Variants in CTIF observed in about 807,000 individuals in gnomAD.
CTIF encodes cap binding complex dependent translation initiation factor.
Under a neutral mutation model 66.0 loss-of-function variants are expected in CTIF, and 21 were observed. The observed-to-expected ratio is 0.32, with a 90% CI of 0.23 to 0.46. The LOEUF is 0.46. CTIF is among the 20% of genes least tolerant of loss of function. The probability of loss-of-function intolerance (pLI) is 1.00; values close to 1 mark genes in which losing one functional copy is unlikely to be tolerated. For synonymous variants in CTIF, 345 were observed against 326.4 expected (o/e 1.06, Z -0.62); for missense variants, 739 against 812.7 (o/e 0.91, Z 1.10).
Position 48,637,980 on chromosome 18 carries a change from C to T in CTIF, c.252+1295C>T, listed in dbSNP as rs1265229448. On this transcript the variant is annotated intron_variant, in intron 3 of 11. Transcript: ENST00000256413. ...TTGCAGATGAGGAAACTGAGTCCCA[C>T]GGAGGTGCCACTTGTCTGCCCTCCT... 3.9e-5 allele frequency among the ~76,000 whole-genome samples: 6 copies of T among 152,246 alleles called. 1 individual carries two copies. Among genetic ancestry groups the T allele is most frequent in the South Asian group, 4.1e-4 (2 of 4,822 alleles).
chr18:48,637,806 G>T (rs1366243856), intron 3 of CTIF, among the ~76,000 whole-genome samples: 1 of 152,098 alleles, frequency 6.6e-6, no homozygotes, highest in South Asian at 2.1e-4. Flanking sequence ...AGCCCCGGGG[G>T]TGGGGGGTGA....
At chr18:48,713,549 C>T (rs1487092519) in intron 7 of CTIF, among the ~76,000 whole-genome samples, 1 of 151,976 alleles carries the variant, frequency 6.6e-6, no homozygotes, top group Non-Finnish European at 1.5e-5. Context: ...CACCAATGTC[C>T]GGGTTAGGTC....
At chr18:48,670,849 C>T in intron 6 of CTIF, 105 bp downstream of exon 6, 3 of 975,970 alleles carry the variant, frequency 3.1e-6, no homozygotes, top group Non-Finnish European at 4.8e-6. Flanking sequence ...CTGCTTGTTC[C>T]AGCAAGGAGT....
chr18:48,650,107 C>A (rs957177133), intron 3 of CTIF, among the ~76,000 whole-genome samples: 5 of 152,218 alleles, frequency 3.3e-5, no homozygotes, highest in African/African-American at 4.8e-5. Context: ...AGCAATGGAA[C>A]AAAGCTGGAT....
intron 1 of CTIF, among the ~76,000 whole-genome samples, chr18:48,543,858 G>C (rs966768891): frequency 1.3e-5 from 2 of 152,176 alleles, no homozygotes; most frequent in African/African-American, 4.8e-5. Context: ...TCTGGTTCTG[G>C]GAAGGGCTCT....
chr18:48,716,569 G>A (rs1279149655), intron 7 of CTIF, among the ~76,000 whole-genome samples: 2 of 151,974 alleles, frequency 1.3e-5, no homozygotes, highest in African/African-American at 4.8e-5. Context: ...CCCAGAAGTC[G>A]TCCCCACATG....
intron 10 of CTIF, among the ~76,000 whole-genome samples, chr18:48,832,107 G>C (rs2068703971): frequency 6.6e-6 from 1 of 151,798 alleles, no homozygotes; most frequent in Non-Finnish European, 1.5e-5. Context: ...CAAGCTCACA[G>C]CCAGTGTGCG....
At chr18:48,787,135 G>A (rs539361200) in intron 9 of CTIF, among the ~76,000 whole-genome samples, 2 of 152,208 alleles carry the variant, frequency 1.3e-5, no homozygotes, top group South Asian at 2.1e-4. Flanking sequence ...TGGCTCTCTG[G>A]GAGCAGCTGT....
At chr18:48,770,148 C>T (rs1019415920) in intron 9 of CTIF, among the ~76,000 whole-genome samples, 2 of 152,240 alleles carry the variant, frequency 1.3e-5, no homozygotes, top group African/African-American at 4.8e-5. Flanking sequence ...CACTGATCCT[C>T]AGCCAGTCCT....
intron 2 of CTIF, among the ~76,000 whole-genome samples, chr18:48,632,034 C>T (rs1447896488): frequency 1.3e-5 from 2 of 152,116 alleles, no homozygotes; most frequent in African/African-American, 4.8e-5. Context: ...AGAAGGCAAA[C>T]GGGAGGCAGG....
At chr18:48,834,981 G>A (rs539715490) in intron 10 of CTIF, among the ~76,000 whole-genome samples, 2 of 152,320 alleles carry the variant, frequency 1.3e-5, no homozygotes, top group East Asian at 1.9e-4. Flanking sequence ...GCCAGCTTCC[G>A]GGAAGCGAAA....
intron 10 of CTIF, chr18:48,826,353 A>C (rs1047005601): frequency 2.0e-5 from 3 of 152,190 alleles, no homozygotes; most frequent in Admixed American, 2.0e-4. Flanking sequence ...AGGCCTCCAT[A>C]AGCAAACACA....
intron 1 of CTIF, among the ~76,000 whole-genome samples, chr18:48,583,773 A>C (rs2089711985): frequency 6.6e-6 from 1 of 152,206 alleles, no homozygotes; most frequent in Admixed American, 6.5e-5. Context: ...GCCTGAACTG[A>C]GCATGGATGG....
intron 6 of CTIF, among the ~76,000 whole-genome samples, chr18:48,705,128 G>A (rs373790374): frequency 3.9e-5 from 6 of 152,312 alleles, no homozygotes; most frequent in African/African-American, 1.2e-4. Flanking sequence ...GGAGGGTGGG[G>A]TAATGGGTGT....
chr18:48,663,964 G>T, intron 4 of CTIF, 139 bp downstream of exon 4: 1 of 814,888 alleles, frequency 1.2e-6, no homozygotes, highest in Non-Finnish European at 2.1e-6. Flanking sequence ...AGGATGGGGT[G>T]GAAAGAAGGC....
Position 48,614,664 on chromosome 18 carries a change from A to G in CTIF, c.-28-4874A>G, listed in dbSNP as rs1478344908. Among the ~76,000 whole-genome samples, 5 of 152,360 alleles carry G rather than the reference A, an allele frequency of 3.3e-5. No individual in the cohort carries two copies. The East Asian group carries it at 9.6e-4, about 29-fold the overall frequency. On this transcript the variant is annotated intron_variant, in intron 1 of 11. Transcript: ENST00000256413. Reference sequence around the variant, plus strand: ...TCCTCTTATAGGAGGTACCTGGAATAGGCAAATTCATAGAGAGAAGGGTGA... The same window carrying G: ...TCCTCTTATAGGAGGTACCTGGAATGGGCAAATTCATAGAGAGAAGGGTGA...
chr18:48,811,466 T>C (rs2068256655), intron 9 of CTIF, among the ~76,000 whole-genome samples: 1 of 152,340 alleles, frequency 6.6e-6, no homozygotes, highest in Non-Finnish European at 1.5e-5. Flanking sequence ...TTTCTAAGTG[T>C]ACAGTTCAAT....
At chr18:48,655,422 C>T (rs2091231341) in intron 3 of CTIF, among the ~76,000 whole-genome samples, 1 of 152,116 alleles carries the variant, frequency 6.6e-6, no homozygotes, top group Non-Finnish European at 1.5e-5. Flanking sequence ...TCAAACCAGA[C>T]CCCCTGTCCC....
rs1208109485 is a variant in CTIF, at chr18:48,859,705, AGACGG to A, written c.*148_*152del. On this transcript the variant is annotated 3_prime_UTR_variant, in exon 12 of 12. Coordinates refer to ENST00000256413, the MANE Select transcript of CTIF (RefSeq NM_014772.3). ...CAGAGTCGGTGGCCAGTCTGGAGCC[AGACGG>A]GGAAGGGAGCAAATCCCTGAGAGGA... The A allele has an allele frequency of 1.3e-6, 1 of 759,158 alleles. No homozygotes were observed. The highest frequency in any genetic ancestry group is 1.7e-5 in the African/African-American group (1 of 58,226). 47.0% of individuals were successfully genotyped at this position (759,158 alleles called of 1,614,324 possible). A position where few individuals can be genotyped will look rare whatever the true frequency, so the allele number is the denominator to read the frequency against.
Sources: allele counts gnomAD v4.1 joint callset (sites outside exome capture counted in the v4.1 genomes callset), GRCh38; gene constraint gnomAD v4.1.1; transcripts MANE v1.5; gene names NCBI Gene and HGNC (gene_info 2026-07-23, HGNC 2026-07-21).